Variants in FBXL13 observed in about 807,000 individuals in gnomAD.
FBXL13 encodes F-box and leucine-rich repeat protein 13.
In FBXL13, 67 loss-of-function variants were observed where a neutral mutation model predicts 83.6. The ratio of observed to expected loss-of-function variants is 0.80; its 90% CI spans 0.66 to 0.98. The LOEUF is 0.98. Among genes scored for constraint, FBXL13 ranks in the 50% least tolerant of loss-of-function variants. FBXL13 has a pLI of 0.00. For synonymous variants in FBXL13, 272 were observed against 299.5 expected (o/e 0.91, Z 0.95); for missense variants, 822 against 866.5 (o/e 0.95, Z 0.64).
chr7:102,968,687 A>G (rs975069023), intron 6 of FBXL13, among the ~76,000 whole-genome samples: 3 of 152,244 alleles, frequency 2.0e-5, no homozygotes, highest in African/African-American at 7.2e-5. Flanking sequence ...AACATAATTC[A>G]GTTGTCAAGA....
chr7:102,895,307 C>T (rs1413583889), intron 11 of FBXL13, among the ~76,000 whole-genome samples: 2 of 152,104 alleles, frequency 1.3e-5, no homozygotes, highest in Non-Finnish European at 2.9e-5. Flanking sequence ...GCAGGATGTC[C>T]AGGCAGAGGG....
intron 2 of FBXL13, among the ~76,000 whole-genome samples, chr7:103,052,255 A>G (rs1363964904): frequency 6.6e-6 from 1 of 152,232 alleles, no homozygotes; most frequent in East Asian, 1.9e-4. Context: ...CATTTAGTAT[A>G]CTATACATTT....
intron 8 of FBXL13, among the ~76,000 whole-genome samples, chr7:102,935,599 A>G (rs1435899717): frequency 6.6e-6 from 1 of 152,198 alleles, no homozygotes. Flanking sequence ...GGATTTGCAC[A>G]TGCAAGATAA....
At chr7:102,834,878 ATGTGTGTGTGTGTGTG>A (rs57047697) in intron 17 of FBXL13, among the ~76,000 whole-genome samples, 12 of 147,056 alleles carry the variant, frequency 8.2e-5, no homozygotes, top group Non-Finnish European at 1.4e-4. Flanking sequence ...CCATTCCACA[ATGTGTGTGTGTGTGTG>A]TGTGTGTGTG....
At chr7:102,874,934 C>A (rs1173811781) in intron 16 of FBXL13, among the ~76,000 whole-genome samples, 2 of 152,174 alleles carry the variant, frequency 1.3e-5, no homozygotes, top group African/African-American at 4.8e-5. Flanking sequence ...AAAAATAAAA[C>A]CTGAGCTTTC....
chr7:102,913,914 G>T (rs1309894443), intron 10 of FBXL13, among the ~76,000 whole-genome samples: 1 of 152,120 alleles, frequency 6.6e-6, no homozygotes, highest in Non-Finnish European at 1.5e-5. Flanking sequence ...AATCTCGCTG[G>T]AGTTGAAACA....
At chr7:102,851,392 T>C (rs1053527553) in intron 17 of FBXL13, among the ~76,000 whole-genome samples, 4 of 151,942 alleles carry the variant, frequency 2.6e-5, no homozygotes, top group African/African-American at 9.7e-5. Flanking sequence ...ATTATCTTCC[T>C]ACTTGTGGGA....
intron 16 of FBXL13, among the ~76,000 whole-genome samples, chr7:102,869,517 T>C (rs1808239110): frequency 6.6e-6 from 1 of 152,166 alleles, no homozygotes; most frequent in Non-Finnish European, 1.5e-5. Flanking sequence ...TTGTTGCCTG[T>C]GTTTTCGAGG....
intron 8 of FBXL13, among the ~76,000 whole-genome samples, chr7:102,952,318 C>T (rs893178409): frequency 3.3e-5 from 5 of 152,078 alleles, no homozygotes; most frequent in African/African-American, 1.2e-4. Context: ...TGCTACAGAA[C>T]TGAACACATA....
chr7:103,009,076 G>T (rs1791301616), intron 6 of FBXL13, among the ~76,000 whole-genome samples: 1 of 151,798 alleles, frequency 6.6e-6, no homozygotes, highest in Non-Finnish European at 1.5e-5. Context: ...ATAAACAAAG[G>T]AACATTAGCA....
chr7:102,954,355 C>G (rs1375524722), intron 8 of FBXL13, among the ~76,000 whole-genome samples: 3 of 152,162 alleles, frequency 2.0e-5, no homozygotes, highest in Non-Finnish European at 4.4e-5. Context: ...GAGATTTTGT[C>G]ACCACCAGGC....
chr7:103,017,453 G>A (rs1195780130), intron 6 of FBXL13, among the ~76,000 whole-genome samples: 3 of 152,190 alleles, frequency 2.0e-5, no homozygotes, highest in Admixed American at 2.0e-4. Flanking sequence ...TCCTCGCCAG[G>A]AACAGAACAA....
chr7:102,902,578 A>G (rs766256640), intron 11 of FBXL13, among the ~76,000 whole-genome samples: 17 of 152,162 alleles, frequency 1.1e-4, no homozygotes, highest in Non-Finnish European at 2.2e-4. Flanking sequence ...TCTTAGATTT[A>G]AATATTTAAT....
chr7:103,067,721 T>A (rs530836469), intron 1 of FBXL13, among the ~76,000 whole-genome samples: 2 of 152,310 alleles, frequency 1.3e-5, no homozygotes, highest in East Asian at 3.9e-4. Context: ...CACTCTGACA[T>A]GTAAGTGCAT....
chr7:102,883,863 G>A (rs1013316372), intron 12 of FBXL13, among the ~76,000 whole-genome samples, 178 bp from the exon 14 acceptor site: 3 of 152,096 alleles, frequency 2.0e-5, no homozygotes, highest in African/African-American at 7.2e-5. Context: ...GACTAATGTG[G>A]AGGAATCAGA....
chr7:102,961,333 A>AG (rs1825166463), intron 8 of FBXL13, among the ~76,000 whole-genome samples: 2 of 148,190 alleles, frequency 1.3e-5, no homozygotes, highest in South Asian at 4.3e-4. Context: ...AGGAAATAAA[A>AG]GAGGATACAA....
intron 6 of FBXL13, among the ~76,000 whole-genome samples, chr7:102,968,364 T>C (rs1826223021): frequency 6.6e-6 from 1 of 152,226 alleles, no homozygotes; most frequent in Non-Finnish European, 1.5e-5. Flanking sequence ...TCCTTTTAAT[T>C]GATAGTGGCA....
At chr7:102,858,241 G>A (rs892738753) in intron 16 of FBXL13, among the ~76,000 whole-genome samples, 3 of 152,120 alleles carry the variant, frequency 2.0e-5, no homozygotes, top group South Asian at 2.1e-4. Flanking sequence ...TGGGAGCTAC[G>A]AAAAAGTAGA....
intron 1 of FBXL13, among the ~76,000 whole-genome samples, chr7:103,063,473 C>T (rs1798113337): frequency 6.6e-6 from 1 of 152,134 alleles, no homozygotes; most frequent in Non-Finnish European, 1.5e-5. Context: ...GAACCAATCC[C>T]CCATGGATAC....
Sources: allele counts gnomAD v4.1 joint callset (sites outside exome capture counted in the v4.1 genomes callset), GRCh38; gene constraint gnomAD v4.1.1; transcripts MANE v1.5; gene names NCBI Gene and HGNC (gene_info 2026-07-23, HGNC 2026-07-21).